Variants in CCNA1 observed in about 807,000 individuals in gnomAD.
The protein encoded by CCNA1 is cyclin-A1.
A neutral mutation model predicts 54.1 loss-of-function variants in CCNA1; 23 were observed. The ratio of observed to expected loss-of-function variants is 0.42; its 90% CI spans 0.31 to 0.60. CCNA1 has a LOEUF of 0.60. CCNA1 is among the 20% of genes least tolerant of loss of function. The probability of loss-of-function intolerance (pLI) is 0.14; values close to 1 mark genes in which losing one functional copy is unlikely to be tolerated. For synonymous variants in CCNA1, 208 were observed against 213.9 expected, an observed-to-expected ratio of 0.97 and a Z score of 0.24; for missense variants, 450 against 556.7, an observed-to-expected ratio of 0.81 and a Z score of 1.93.
Position 36,436,078 on chromosome 13 carries a change from T to C in CCNA1, c.298-1551T>C, listed in dbSNP as rs559421647. 2.0e-5 allele frequency among the ~76,000 whole-genome samples: 3 copies of C among 152,280 alleles called. No homozygotes were observed. In the South Asian group the frequency reaches 6.2e-4, roughly 32 times the overall value. On this transcript the variant is annotated intron_variant, in intron 2 of 8. Coordinates refer to ENST00000255465, the MANE Select transcript of CCNA1 (RefSeq NM_003914.4). ...GGTTCAAATCCCTATTGTGTCTCACTTAGAATTTTCAAGTTTTGTAATTGA... is the reference window on the plus strand; with the variant it reads ...GGTTCAAATCCCTATTGTGTCTCACCTAGAATTTTCAAGTTTTGTAATTGA...
In CCNA1 at chr13:36,437,504, C is replaced by T. The variant is rs188553262; in HGVS notation, c.298-125C>T. ...CCTTTTTTTTTTGGAATTAAATTGCCGACATAGATTTTTCAGTTTAGAATG... is the reference window on the plus strand; with the variant it reads ...CCTTTTTTTTTTGGAATTAAATTGCTGACATAGATTTTTCAGTTTAGAATG... On this transcript the variant is annotated intron_variant, in intron 2 of 8. Transcript: ENST00000255465. 622 of 885,274 alleles carry T rather than the reference C, an allele frequency of 7.0e-4. 1 individual carries two copies. The highest frequency in any genetic ancestry group is 1.4e-3 in the South Asian group (72 of 53,014). The allele number at this position is 885,274 out of a possible 1,614,324, so 54.8% of individuals were successfully genotyped here.
At chr13:36,436,260 T>C (rs2055804047) in intron 2 of CCNA1, among the ~76,000 whole-genome samples, 1 of 152,176 alleles carries the variant, frequency 6.6e-6, no homozygotes, top group African/African-American at 2.4e-5. Context: ...AACAAAATAA[T>C]AGTAATGAAA....
rs1566169557 is a variant in CCNA1 at position 36,433,418 on chromosome 13, C to CG, written c.297+197_297+198insG. On this transcript the variant is annotated intron_variant, in intron 2 of 8. Transcript: ENST00000255465. ...TCTTTCTTTCTTTCTTTCTTTCTTT[C>CG]TTTCTTTCTTTCTTTCTTTCTTTCG... is the stretch of plus-strand genomic sequence containing the variant. Among the ~76,000 whole-genome samples the CG allele has an allele frequency of 9.9e-4, 119 of 119,706 alleles. 6 individuals carry two copies. The highest frequency in any genetic ancestry group is 3.6e-3 in the African/African-American group (112 of 30,848). 78.5% of individuals were successfully genotyped at this position (119,706 alleles called of 152,430 possible).
chr13:36,438,952 T>C lies in CCNA1; in HGVS notation c.893+85T>C. Reference sequence around the variant, plus strand: ...TGTCCTCTATTTCTTATTGAAGAAATGCAATGCTTGATAATTAAAACTAGT... The same window carrying C: ...TGTCCTCTATTTCTTATTGAAGAAACGCAATGCTTGATAATTAAAACTAGT... On this transcript the variant is annotated intron_variant, in intron 5 of 8. Coordinates refer to ENST00000255465, the MANE Select transcript of CCNA1 (RefSeq NM_003914.4). 20 of 952,826 alleles carry C rather than the reference T, an allele frequency of 2.1e-5. No individual in the cohort carries two copies. In the South Asian group the frequency reaches 2.6e-4, roughly 12 times the overall value. The allele number at this position is 952,826 out of a possible 1,614,324, so 59.0% of individuals were successfully genotyped here.
At chr13:36,432,378 C>G (rs1248535695), upstream of CCNA1, 1 of 293,232 alleles carries the variant, frequency 3.4e-6, no homozygotes, top group Non-Finnish European at 6.5e-6. Context: ...GTGCCCTGCC[C>G]TTCCCTGCCC....
At chr13:36,437,972 A>C (rs2137825440) in intron 3 of CCNA1, 95 bp from the exon 4 acceptor site, 2 of 1,568,874 alleles carry the variant, frequency 1.3e-6, no homozygotes, top group Admixed American at 3.6e-5. Context: ...AAAAACAGCA[A>C]GTAATAACTG....
intron 2 of CCNA1, 149 bp downstream of exon 2, chr13:36,433,370 TTTTCTTTC>T (rs201986317): frequency 0.12 from 37,078 of 315,710 alleles, 5,978 homozygotes; most frequent in South Asian, 0.14. Context: ...GATTGATTTA[TTTTCTTTC>T]TTTCTTTCTT....
intron 7 of CCNA1, 108 bp from the exon 8 acceptor site, chr13:36,442,063 G>A: frequency 3.8e-6 from 3 of 786,472 alleles, no homozygotes; most frequent in Non-Finnish European, 6.0e-6. Flanking sequence ...CTTTCGAGAT[G>A]AATGTGAATA....
chr13:36,437,936 A>G, intron 3 of CCNA1, 61 bp downstream of exon 3: 2 of 1,580,806 alleles, frequency 1.3e-6, no homozygotes, highest in Non-Finnish European at 1.7e-6. Flanking sequence ...TGCCTGCAGC[A>G]TTCAATAGCT....
Position 36,433,465 on chromosome 13 carries a change from TTCTC to T in CCNA1, c.297+246_297+249del, listed in dbSNP as rs1419352427. Among the ~76,000 whole-genome samples the T allele has an allele frequency of 1.8e-3, 266 of 146,990 alleles. 11 individuals are homozygous for T. The highest frequency in any genetic ancestry group is 0.014 in the Middle Eastern group (4 of 288). On this transcript the variant is annotated intron_variant, in intron 2 of 8. Transcript: ENST00000255465. Reference sequence around the variant, plus strand: ...TTCGTTCTTTCTTTCTTTCTTTTCTTTCTCTTTCTTTCCTTCTTTCTTTTTCTTT... The same window carrying T: ...TTCGTTCTTTCTTTCTTTCTTTTCTTTTTCTTTCCTTCTTTCTTTTTCTTT...
rs772784183 is a variant in CCNA1 at position 36,442,253 on chromosome 13, A to T, written c.1295A>T (p.Asp432Val). The change falls in exon 8 of 9, where the codon GAT becomes GTT. Residue 432 changes from aspartate (D) to valine (V), a missense_variant. This residue lies in a region of CCNA1 where 53 missense variants were observed against 50.1 expected (regional missense o/e 1.06). Transcript: ENST00000255465. ...AGTGAGCTTCATAAAGCGTACCTTG[A>T]TATACCCCATCGACCTCAGCAAGCA... 1 of 1,614,076 alleles carries T rather than the reference A, an allele frequency of 6.2e-7. No individual in the cohort carries two copies. Among genetic ancestry groups the T allele is most frequent in the South Asian group, 1.1e-5 (1 of 91,074 alleles).
chr13:36,440,030 C>T lies in CCNA1; in HGVS notation c.945C>T (p.Thr315=), dbSNP rs150999500. The change falls in exon 6 of 9, where the codon ACC becomes ACT. Residue 315 remains threonine (T), a synonymous_variant. Transcript: ENST00000255465. The stretch of plus-strand genomic sequence containing the variant: ...AAGTAGACGAGTTTGTCTATATCAC[C>T]GATGATACATACACAAAACGACAAC... 803 of 1,613,100 alleles carry T rather than the reference C, an allele frequency of 5.0e-4. 2 individuals carry two copies. Among genetic ancestry groups the T allele is most frequent in the Middle Eastern group, 3.3e-3 (20 of 6,062 alleles).
chr13:36,437,884 C>T lies in CCNA1; in HGVS notation c.544+9C>T, dbSNP rs1650889263. The T allele has an allele frequency of 6.2e-7, 1 of 1,611,708 alleles. No individual in the cohort carries two copies. Among genetic ancestry groups the T allele is most frequent in the Non-Finnish European group, 8.5e-7 (1 of 1,178,536 alleles). On this transcript the variant is annotated intron_variant, in intron 3 of 8. Transcript: ENST00000255465. ...GCTGGATTTCAACACAGGTAACTGA[C>T]TTGCCTATGGTTGATGGCTGATGGT...
At chr13:36,434,820 A>G (rs12863970) in intron 2 of CCNA1, among the ~76,000 whole-genome samples, 2 of 142,912 alleles carry the variant, frequency 1.4e-5, no homozygotes, top group African/African-American at 2.7e-5. Context: ...TGCTGTCATG[A>G]GAGGTGCCCC....
Position 36,441,223 on chromosome 13 carries a change from C to T in CCNA1, c.1204C>T (p.His402Tyr). Residue 402 changes from histidine to tyrosine, a missense_variant, in exon 7 of 9, where the codon CAC becomes TAC. Coordinates refer to ENST00000255465, the MANE Select transcript of CCNA1 (RefSeq NM_003914.4). The stretch of plus-strand genomic sequence containing the variant: ...CCTGGCAAACTATACTGTGAACAAG[C>T]ACTTTTGGGTAAGATTCTAACTTCT... The T allele has an allele frequency of 6.3e-7, 1 of 1,589,790 alleles. No homozygotes were observed. Among genetic ancestry groups the T allele is most frequent in the Non-Finnish European group, 8.6e-7 (1 of 1,158,276 alleles).
At chr13:36,441,721 G>A (rs2137837743) in intron 7 of CCNA1, among the ~76,000 whole-genome samples, 1 of 152,306 alleles carries the variant, frequency 6.6e-6, no homozygotes, top group Non-Finnish European at 1.5e-5. Flanking sequence ...TGTACTAAAA[G>A]AAGTGGGGTG....
chr13:36,441,020 C>A (rs1398153128), intron 6 of CCNA1, 98 bp from the exon 7 acceptor site: 3 of 621,082 alleles, frequency 4.8e-6, no homozygotes, highest in South Asian at 4.5e-5. Context: ...GCCGACTGAA[C>A]AAAGATAAGA....
intron 2 of CCNA1, among the ~76,000 whole-genome samples, chr13:36,434,871 C>T (rs1354832196): frequency 6.9e-6 from 1 of 144,194 alleles, no homozygotes; most frequent in Admixed American, 6.9e-5. Flanking sequence ...TGTCTTCTTG[C>T]TTCTTCAAGG....
chr13:36,433,316 C>G (rs548739607), intron 2 of CCNA1, 95 bp downstream of exon 2: 1 of 784,802 alleles, frequency 1.3e-6, no homozygotes. Context: ...ACCTACAACT[C>G]CCCCTGAGTA....
Sources: allele counts gnomAD v4.1 joint callset (sites outside exome capture counted in the v4.1 genomes callset), GRCh38; gene constraint gnomAD v4.1.1; regional missense constraint gnomAD v4.1.1; transcripts MANE v1.5; gene names NCBI Gene and HGNC (gene_info 2026-07-23, HGNC 2026-07-21).